SYNPO2: variants seen among roughly 807,000 people sequenced by gnomAD.
SYNPO2 encodes the protein synaptopodin-2.
A neutral mutation model predicts 85.0 loss-of-function variants in SYNPO2; 56 were observed. That is an observed-to-expected ratio of 0.66 (90% confidence interval 0.53 to 0.82). The LOEUF is 0.82. Among genes scored for constraint, SYNPO2 ranks in the 40% least tolerant of loss-of-function variants. The pLI is 0.00. For synonymous variants in SYNPO2, 602 were observed against 591.1 expected (o/e 1.02, Z -0.27); for missense variants, 1,575 against 1,534.2 (o/e 1.03, Z -0.44).
rs1307631079 is a variant in SYNPO2 at position 119,061,014 on chromosome 4, C to A, written c.*3080C>A. On this transcript the variant is annotated 3_prime_UTR_variant, in exon 5 of 5. Coordinates refer to ENST00000307142, the MANE Select transcript of SYNPO2 (RefSeq NM_133477.3). ...TATCAAACAGGCACAGTTATTACAACTAGAGAGAAATTCCAGAAATATTTG... is the reference window on the plus strand; with the variant it reads ...TATCAAACAGGCACAGTTATTACAAATAGAGAGAAATTCCAGAAATATTTG... 6.6e-6 allele frequency: 1 copy of A among 151,762 alleles called. No individual in the cohort carries two copies. The highest frequency in any genetic ancestry group is 6.6e-5 in the Admixed American group (1 of 15,232). 9.4% of individuals were successfully genotyped at this position (151,762 alleles called of 1,614,324 possible). A position where few individuals can be genotyped will look rare whatever the true frequency, so the allele number is the denominator to read the frequency against.
chr4:119,027,759 T>A (rs1738035091), intron 3 of SYNPO2, among the ~76,000 whole-genome samples: 1 of 152,178 alleles, frequency 6.6e-6, no homozygotes, highest in Non-Finnish European at 1.5e-5. Flanking sequence ...ATAGTTCATG[T>A]TAAAATAGCA....
At chr4:118,910,836 T>C (rs1488918182) in intron 1 of SYNPO2, among the ~76,000 whole-genome samples, 1 of 152,010 alleles carries the variant, frequency 6.6e-6, no homozygotes, top group Non-Finnish European at 1.5e-5. Flanking sequence ...TCTTTTTTAC[T>C]TTTTTTTGAG....
intron 4 of SYNPO2, among the ~76,000 whole-genome samples, chr4:119,055,271 C>A (rs1452325854): frequency 6.6e-6 from 1 of 152,128 alleles, no homozygotes; most frequent in Non-Finnish European, 1.5e-5. Flanking sequence ...TGTGCCTCAG[C>A]CTCCTGAGTA....
Position 119,032,838 on chromosome 4 carries a change from A to C in SYNPO2, c.3252+811A>C, listed in dbSNP as rs1423429084. ...AGTTGGAGACCAGCCTGAGCAACAT[A>C]GTGAGACCCTGTCTCAATAATAATA... On this transcript the variant is annotated intron_variant, in intron 4 of 4. Coordinates refer to ENST00000307142, the MANE Select transcript of SYNPO2 (RefSeq NM_133477.3). The C allele has an allele frequency of 7.8e-6, 6 of 764,490 alleles. No individual in the cohort carries two copies. The African/African-American group carries it at 1.2e-4, about 15-fold the overall frequency. The allele number at this position is 764,490 out of a possible 1,614,324, so 47.4% of individuals were successfully genotyped here.
At chr4:118,862,520 G>A (rs1195873443) in intron 1 of SYNPO2, among the ~76,000 whole-genome samples, 1 of 152,078 alleles carries the variant, frequency 6.6e-6, no homozygotes, top group Non-Finnish European at 1.5e-5. Flanking sequence ...AGTTTTTTGA[G>A]AGTTTTTATC....
chr4:119,034,741 G>T (rs2149193626), intron 4 of SYNPO2: 1 of 985,536 alleles, frequency 1.0e-6, no homozygotes, highest in Non-Finnish European at 1.2e-6. Context: ...AGAGGAATTT[G>T]CTTTCCCTGT....
chr4:118,889,580 G>T (rs1241508937), intron 1 of SYNPO2, among the ~76,000 whole-genome samples: 2 of 152,152 alleles, frequency 1.3e-5, no homozygotes, highest in Non-Finnish European at 2.9e-5. Flanking sequence ...AGTGTTGGTA[G>T]TGACATTTAT....
chr4:118,967,277 A>G (rs749112186), intron 1 of SYNPO2, among the ~76,000 whole-genome samples: 1 of 152,180 alleles, frequency 6.6e-6, no homozygotes, highest in Non-Finnish European at 1.5e-5. Context: ...AGGAAATAAA[A>G]GTCTGCGGAG....
intron 1 of SYNPO2, among the ~76,000 whole-genome samples, chr4:118,896,947 G>A (rs544658876): frequency 1.2e-3 from 173 of 145,548 alleles, no homozygotes; most frequent in African/African-American, 4.1e-3. Flanking sequence ...AGCAGTGTGG[G>A]TGCTGGATTG....
At chr4:118,872,278 T>G (rs905139872) in intron 1 of SYNPO2, among the ~76,000 whole-genome samples, 11 of 152,154 alleles carry the variant, frequency 7.2e-5, no homozygotes, top group African/African-American at 2.2e-4. Flanking sequence ...AGGGTGACAC[T>G]ATTTTAAAAT....
intron 1 of SYNPO2, among the ~76,000 whole-genome samples, chr4:118,978,602 C>G (rs2149161485): frequency 6.6e-6 from 1 of 152,184 alleles, no homozygotes; most frequent in East Asian, 1.9e-4. Context: ...TCCACTTGTC[C>G]CAATGATTTC....
intron 1 of SYNPO2, among the ~76,000 whole-genome samples, chr4:118,866,201 T>C (rs946812194): frequency 6.6e-6 from 1 of 152,194 alleles, no homozygotes; most frequent in African/African-American, 2.4e-5. Flanking sequence ...AATTCATTAT[T>C]TGTGGTGTGA....
At chr4:119,048,581 G>A (rs1179220663) in intron 4 of SYNPO2, among the ~76,000 whole-genome samples, 1 of 152,138 alleles carries the variant, frequency 6.6e-6, no homozygotes, top group African/African-American at 2.4e-5. Flanking sequence ...TTTGAGAGAG[G>A]GAGGGAATTG....
At chr4:118,987,909 G>A (rs1163311239) in intron 1 of SYNPO2, among the ~76,000 whole-genome samples, 1 of 152,088 alleles carries the variant, frequency 6.6e-6, no homozygotes, top group Non-Finnish European at 1.5e-5. Context: ...GAAAAGGAAA[G>A]GGACTCAGAA....
At chr4:118,955,413 A>G (rs1479103461) in intron 1 of SYNPO2, among the ~76,000 whole-genome samples, 2 of 152,226 alleles carry the variant, frequency 1.3e-5, no homozygotes, top group Non-Finnish European at 2.9e-5. Context: ...AATATTATGT[A>G]CTTAGATGGC....
At chr4:118,992,751 C>A (rs1279081527) in intron 1 of SYNPO2, among the ~76,000 whole-genome samples, 1 of 152,154 alleles carries the variant, frequency 6.6e-6, no homozygotes, top group East Asian at 1.9e-4. Context: ...TGCACCTGGA[C>A]TTGCTATTGC....
chr4:119,034,367 A>G (rs1578665959), intron 4 of SYNPO2: 1 of 975,734 alleles, frequency 1.0e-6, no homozygotes, highest in East Asian at 1.1e-4. Context: ...CCAGTTGTCT[A>G]GTGGTGTGGT....
intron 1 of SYNPO2, among the ~76,000 whole-genome samples, chr4:119,022,512 GTT>G (rs778146297): frequency 3.4e-5 from 3 of 87,126 alleles, no homozygotes; most frequent in African/African-American, 8.3e-5. Context: ...TTTTTTGTAG[GTT>G]TTTTTTTTTT....
At chr4:118,964,440 A>G (rs1035900851) in intron 1 of SYNPO2, among the ~76,000 whole-genome samples, 9 of 151,860 alleles carry the variant, frequency 5.9e-5, no homozygotes, top group Non-Finnish European at 1.2e-4. Flanking sequence ...CAGTGAGCTG[A>G]GATTGCACCA....
Sources: gnomAD v4.1 joint callset for allele counts (sites outside exome capture counted in the v4.1 genomes callset) on GRCh38, gnomAD v4.1.1 for gene constraint, MANE v1.5 for transcripts, NCBI Gene and HGNC (gene_info 2026-07-23, HGNC 2026-07-21) for gene names.